The following MBTPS1 variants were observed in gnomAD, a reference collection of about 807,000 sequenced individuals.
MBTPS1 encodes the protein membrane bound transcription factor peptidase, site 1, also known as membrane-bound transcription factor site-1 protease.
Under a neutral mutation model 127.8 loss-of-function variants are expected in MBTPS1, and 94 were observed. The ratio of observed to expected loss-of-function variants is 0.74; its 90% CI spans 0.62 to 0.87. The LOEUF (loss-of-function observed/expected upper bound fraction) is 0.87, where lower values mean the gene tolerates loss of function less well. MBTPS1 is among the 40% of genes least tolerant of loss of function. The probability of loss-of-function intolerance (pLI) is 0.00; values close to 1 mark genes in which losing one functional copy is unlikely to be tolerated. For synonymous variants in MBTPS1, 632 were observed against 509.4 expected (o/e 1.24, Z -3.24); for missense variants, 1,636 against 1,353.2 (o/e 1.21, Z -3.28).
At position 84,060,739 on chromosome 16, in the gene MBTPS1, C is replaced by G; in HGVS notation, c.2647G>C (p.Gly883Arg). 6.2e-7 allele frequency: 1 copy of G among 1,613,116 alleles called. No individual in the cohort carries two copies. Among genetic ancestry groups the G allele is most frequent in the Non-Finnish European group, 8.5e-7 (1 of 1,179,638 alleles). ...GVTPPSLSHS[G>R]NRQRPPSGAG... ...CCACTGGGAGGGCGCTGGCGGTTCC[C>G]AGAGTGACTGAGGCTAGGCGGTGTC... The change falls in exon 20 of 23, where the codon GGG becomes CGG. Residue 883 changes from glycine (G) to arginine (R), a missense_variant. Transcript: ENST00000343411.
chr16:84,069,741 C>A (rs2085742527), intron 14 of MBTPS1, 125 bp downstream of exon 14: 1 of 898,916 alleles, frequency 1.1e-6, no homozygotes, highest in Non-Finnish European at 1.7e-6. Flanking sequence ...CTGAACATCT[C>A]AGCGTCATCA....
rs565246842 is a variant in MBTPS1 at position 84,103,889 on chromosome 16, C to T, written c.-324-1782G>A. Among the ~76,000 whole-genome samples, 10 of 152,314 alleles carry T rather than the reference C, an allele frequency of 6.6e-5. No individual in the cohort carries two copies. In the South Asian group the frequency reaches 2.1e-3, roughly 32 times the overall value. ...AATGAGTCAAAGTTTAAAGCAGTTA[C>T]ATCCACCTCGACAAGAACAACAATA... On this transcript the variant is annotated intron_variant, in intron 1 of 22. Coordinates refer to ENST00000343411, the MANE Select transcript of MBTPS1 (RefSeq NM_003791.4).
chr16:84,065,736 C>G lies in MBTPS1; in HGVS notation c.2385G>C (p.Lys795Asn). 6.2e-7 allele frequency: 1 copy of G among 1,611,212 alleles called. No homozygotes were observed. The highest frequency in any genetic ancestry group is 8.5e-7 in the Non-Finnish European group (1 of 1,179,128). Residue 795 changes from lysine (K) to asparagine (N), a missense_variant, in exon 18 of 23, where the codon AAG (lysine) becomes AAC (asparagine). Physicochemically the swap from Lys to Asn is moderately conservative, Grantham distance 94. Transcript: ENST00000343411. ...TTATCACGACGCCATCTTCTGGAAA[C>G]TTCGCGATGCTGCACCCTGACGCAT... ...MYYASGCSIA[K>N]FPEDGVVITQ... is the part of the protein sequence containing the mutation.
At position 84,074,608 on chromosome 16, in the gene MBTPS1, T is replaced by A; in HGVS notation, c.1582A>T (p.Ile528Phe). 1 of 1,613,972 alleles carries A rather than the reference T, an allele frequency of 6.2e-7. No individual in the cohort carries two copies. Among genetic ancestry groups the A allele is most frequent in the African/African-American group, 1.3e-5 (1 of 75,052 alleles). The change falls in exon 12 of 23, where the codon ATT becomes TTT. Residue 528 changes from isoleucine (I) to phenylalanine (F), a missense_variant. Coordinates refer to ENST00000343411, the MANE Select transcript of MBTPS1 (RefSeq NM_003791.4). ...GAGAGAAGTTTCACCTTATCTACAATTCTTCCTGTGACTCCCATGCCGTTG... is the reference window on the plus strand; with the variant it reads ...GAGAGAAGTTTCACCTTATCTACAAATCTTCCTGTGACTCCCATGCCGTTG... Reference protein sequence around the residue: ...ILNGMGVTGRIVDKPDWQPYL... With the variant: ...ILNGMGVTGRFVDKPDWQPYL...
At chr16:84,101,189 G>A (rs1597348057) in intron 2 of MBTPS1, among the ~76,000 whole-genome samples, 1 of 151,324 alleles carries the variant, frequency 6.6e-6, no homozygotes, top group African/African-American at 2.4e-5. Context: ...AGTCCCAGCT[G>A]CTCAGGAGGC....
Position 84,095,800 on chromosome 16 carries a change from G to C in MBTPS1, c.427C>G (p.Pro143Ala). ...FRSLKYAESD[P>A]TVPCNETRWS... ...CGGGTTTCATTGCAGGGTACTGTGG[G>C]GTCAGCTACAGGCAAGGGAGAGAAA... Residue 143 changes from proline (P) to alanine (A), a missense_variant, in exon 4 of 23, where the codon CCC becomes GCC. Coordinates refer to ENST00000343411, the MANE Select transcript of MBTPS1 (RefSeq NM_003791.4). The C allele has an allele frequency of 6.2e-7, 1 of 1,613,038 alleles. No individual in the cohort carries two copies. The highest frequency in any genetic ancestry group is 8.5e-7 in the Non-Finnish European group (1 of 1,179,500).
chr16:84,108,302 C>T (rs1266732651), intron 1 of MBTPS1, among the ~76,000 whole-genome samples: 2 of 151,804 alleles, frequency 1.3e-5, no homozygotes, highest in African/African-American at 2.4e-5. Context: ...TCTCACTTTG[C>T]TGCCCAGGCT....
intron 1 of MBTPS1, among the ~76,000 whole-genome samples, chr16:84,113,375 A>G (rs2086425354): frequency 6.6e-6 from 1 of 152,254 alleles, no homozygotes; most frequent in African/African-American, 2.4e-5. Flanking sequence ...TGGGTTTTTC[A>G]TGAGAATGAT....
chr16:84,114,726 A>G (rs959891779), intron 1 of MBTPS1, among the ~76,000 whole-genome samples: 1 of 151,576 alleles, frequency 6.6e-6, no homozygotes, highest in African/African-American at 2.4e-5. Context: ...GCTACTCGGG[A>G]GGCTGAGGCA....
intron 13 of MBTPS1, 85 bp downstream of exon 13, chr16:84,070,503 G>C (rs2151147980): frequency 4.4e-6 from 6 of 1,363,046 alleles, no homozygotes; most frequent in Non-Finnish European, 6.2e-6. Context: ...ACTTCCAATG[G>C]AGACCCCAGG....
chr16:84,067,717 C>A lies in MBTPS1; in HGVS notation c.2178G>T (p.Trp726Cys). ...CTTTTCTCATAACAGAAGTGTTGTA[C>A]CAGTCACTGAAGATGACGAGCGAGA... ...NGLSLVIFSD[W>C]YNTSVMRKVK... The change falls in exon 16 of 23, where the codon TGG (tryptophan) becomes TGT (cysteine). Residue 726 changes from tryptophan to cysteine, a missense_variant. Transcript: ENST00000343411. 6.2e-7 allele frequency: 1 copy of A among 1,614,050 alleles called. No individual in the cohort carries two copies. Among genetic ancestry groups the A allele is most frequent in the Non-Finnish European group, 8.5e-7 (1 of 1,179,900 alleles).
chr16:84,089,333 G>A (rs181141015), intron 8 of MBTPS1, among the ~76,000 whole-genome samples: 63 of 152,330 alleles, frequency 4.1e-4, no homozygotes, highest in South Asian at 6.2e-4. Context: ...TATATCACCC[G>A]CAGCTGCTTT....
intron 3 of MBTPS1, among the ~76,000 whole-genome samples, chr16:84,098,761 A>T (rs1449953991): frequency 6.6e-6 from 1 of 152,184 alleles, no homozygotes; most frequent in Non-Finnish European, 1.5e-5. Flanking sequence ...AGCTGGCGAA[A>T]ATCGCTTCCA....
intron 10 of MBTPS1, among the ~76,000 whole-genome samples, chr16:84,084,235 G>T (rs1171675602): frequency 6.6e-6 from 1 of 152,180 alleles, no homozygotes; most frequent in African/African-American, 2.4e-5. Flanking sequence ...TGGGATTACA[G>T]GTGTGAGCCA....
At position 84,066,468 on chromosome 16, in the gene MBTPS1, C is replaced by T. The variant is rs753869187; in HGVS notation, c.2353+21G>A. 2.5e-6 allele frequency: 4 copies of T among 1,612,924 alleles called. No individual in the cohort carries two copies. In the South Asian group the frequency reaches 3.3e-5, roughly 13 times the overall value. On this transcript the variant is annotated intron_variant, in intron 17 of 22. Coordinates refer to ENST00000343411, the MANE Select transcript of MBTPS1 (RefSeq NM_003791.4). ...TCTGCTCTCACACCTAAGACCACGCCCTCAGGAAACAGAGCCTTACTGTCA... is the reference window on the plus strand; with the variant it reads ...TCTGCTCTCACACCTAAGACCACGCTCTCAGGAAACAGAGCCTTACTGTCA...
At chr16:84,062,895 G>T (rs2085634186) in intron 19 of MBTPS1, among the ~76,000 whole-genome samples, 1 of 152,192 alleles carries the variant, frequency 6.6e-6, no homozygotes. Context: ...CAGCCCTCCA[G>T]TAAAAGAGTG....
chr16:84,079,788 G>A (rs1453204693), intron 11 of MBTPS1, among the ~76,000 whole-genome samples: 1 of 152,356 alleles, frequency 6.6e-6, no homozygotes, highest in East Asian at 1.9e-4. Flanking sequence ...GGAACCTGGA[G>A]GTGGCATGAA....
rs200087251 is a variant in MBTPS1, at chr16:84,087,387, G to C, written c.1105C>G (p.Arg369Gly). ...GGIDFEDNIARFSSRGMTTWE... is the reference protein window; with the variant it reads ...GGIDFEDNIAGFSSRGMTTWE... Reference sequence around the variant, plus strand: ...GTAGTCATTCCCCTTGAAGAAAAGCGGGCGATGTTATCTTCAAAGTCAATG... The same window carrying C: ...GTAGTCATTCCCCTTGAAGAAAAGCCGGCGATGTTATCTTCAAAGTCAATG... The change falls in exon 9 of 23, where the codon CGC becomes GGC. Residue 369 changes from arginine (R) to glycine (G), a missense_variant. Transcript: ENST00000343411. 4 of 1,613,204 alleles carry C rather than the reference G, an allele frequency of 2.5e-6. No homozygotes were observed. Among genetic ancestry groups the C allele is most frequent in the Non-Finnish European group, 2.5e-6 (3 of 1,179,756 alleles).
At chr16:84,054,761 G>T in intron 22 of MBTPS1, 116 bp from the exon 23 acceptor site, 1 of 726,744 alleles carries the variant, frequency 1.4e-6, no homozygotes, top group Non-Finnish European at 2.2e-6. Flanking sequence ...CACTAGCTGG[G>T]CTTGCAGGGC....
Sources: gnomAD v4.1 joint callset for allele counts (sites outside exome capture counted in the v4.1 genomes callset) on GRCh38, gnomAD v4.1.1 for gene constraint, MANE v1.5 for transcripts, NCBI Gene and HGNC (gene_info 2026-07-23, HGNC 2026-07-21) for gene names.